AFF4: variants seen among roughly 807,000 people sequenced by gnomAD.
The protein encoded by AFF4 is ALF transcription elongation factor 4, also known as AF4/FMR2 family member 4.
A neutral mutation model predicts 124.8 loss-of-function variants in AFF4; 13 were observed. The ratio of observed to expected loss-of-function variants is 0.10; its 90% CI spans 0.07 to 0.17. AFF4 has a LOEUF of 0.17. AFF4 is among the 10% of genes least tolerant of loss of function. AFF4 has a pLI of 1.00. For missense variants in AFF4, 1,092 were observed against 1,403.8 expected (o/e 0.78, Z 3.55); for synonymous variants, 477 against 496.1 (o/e 0.96, Z 0.51).
intron 5 of AFF4, 59 bp from the exon 6 acceptor site, chr5:132,904,463 A>C: frequency 7.9e-6 from 11 of 1,398,750 alleles, no homozygotes; most frequent in Non-Finnish European, 1.0e-5. Flanking sequence ...GATTAGTGAA[A>C]AATGCTTAAA....
rs762679550 is a variant in AFF4, at chr5:132,934,466, T to C, written c.599A>G (p.Asn200Ser). The C allele has an allele frequency of 3.1e-6, 5 of 1,614,172 alleles. No homozygotes were observed. The highest frequency in any genetic ancestry group is 1.6e-4 in the Middle Eastern group (1 of 6,062). The change falls in exon 3 of 21, where the codon AAT becomes AGT. Residue 200 changes from asparagine (N) to serine (S), a missense_variant. Around this residue, in one of 11 missense-constraint regions of AFF4, gnomAD observed 188 missense variants for 203.0 expected, o/e 0.93. Coordinates refer to ENST00000265343, the MANE Select transcript of AFF4 (RefSeq NM_014423.4). ...LNSSHSRSHG[N>S]DHHSKEHQRS... ...TTGATGTTCCTTGCTATGGTGATCA[T>C]TCCCATGAGACCTGGAATGACTAGA...
At chr5:132,902,120 T>C (rs977154363) in intron 7 of AFF4, among the ~76,000 whole-genome samples, 1 of 152,174 alleles carries the variant, frequency 6.6e-6, no homozygotes, top group African/African-American at 2.4e-5. Context: ...CGATCTCGGC[T>C]CCCTACAACC....
At chr5:132,935,882 C>T (rs1281772191) in intron 2 of AFF4, among the ~76,000 whole-genome samples, 1 of 150,934 alleles carries the variant, frequency 6.6e-6, no homozygotes, top group East Asian at 1.9e-4. Flanking sequence ...GAGATCATGA[C>T]ATGGCACTCC....
intron 1 of AFF4, among the ~76,000 whole-genome samples, chr5:132,944,762 T>G (rs56409418): frequency 5.9e-4 from 90 of 151,604 alleles, no homozygotes; most frequent in African/African-American, 2.1e-3. Context: ...AAACCCCATC[T>G]CTACTAAAAA....
chr5:132,903,137 A>AG (rs1760591538), intron 6 of AFF4, among the ~76,000 whole-genome samples: 3 of 152,210 alleles, frequency 2.0e-5, no homozygotes, highest in African/African-American at 4.8e-5. Context: ...AAACAAGCTG[A>AG]GAAAAAAAAG....
At chr5:132,908,776 A>ATATATTT (rs375891983) in intron 5 of AFF4, among the ~76,000 whole-genome samples, 5 of 114,918 alleles carry the variant, frequency 4.4e-5, no homozygotes, top group African/African-American at 1.2e-4. Flanking sequence ...ATATATATAT[A>ATATATTT]TTTTTTTTTT....
chr5:132,880,292 TC>T lies in AFF4; in HGVS notation c.*766del. On this transcript the variant is annotated 3_prime_UTR_variant, in exon 21 of 21. Coordinates refer to ENST00000265343, the MANE Select transcript of AFF4 (RefSeq NM_014423.4). ...AATGCTTCTTCTAGAAAGTTTGTCC[TC>T]CCTCTTTTGTAATGCATTAAATGCA... 2.5e-6 allele frequency: 1 copy of T among 398,984 alleles called. No homozygotes were observed. The highest frequency in any genetic ancestry group is 4.4e-6 in the Non-Finnish European group (1 of 226,018). The allele number at this position is 398,984 out of a possible 1,614,324, so 24.7% of individuals were successfully genotyped here. A position where few individuals can be genotyped will look rare whatever the true frequency, so the allele number is the denominator to read the frequency against.
chr5:132,948,168 A>G (rs936520900), intron 1 of AFF4, among the ~76,000 whole-genome samples: 7 of 151,922 alleles, frequency 4.6e-5, no homozygotes, highest in African/African-American at 1.7e-4. Flanking sequence ...CTCGTGCCTC[A>G]GCCTCCCAAA....
At chr5:132,959,786 A>T (rs1762042161) in intron 1 of AFF4, among the ~76,000 whole-genome samples, 2 of 88,082 alleles carry the variant, frequency 2.3e-5, no homozygotes, top group South Asian at 3.2e-4. Context: ...TTTTTTTGAG[A>T]CGGAGTCTCG....
intron 19 of AFF4, among the ~76,000 whole-genome samples, chr5:132,884,605 G>T (rs1276906336): frequency 1.3e-5 from 2 of 152,158 alleles, no homozygotes; most frequent in Non-Finnish European, 2.9e-5. Flanking sequence ...ACAGGACAAA[G>T]AATGTCAATT....
chr5:132,925,410 T>C (rs1164153874), intron 5 of AFF4, among the ~76,000 whole-genome samples: 3 of 151,870 alleles, frequency 2.0e-5, no homozygotes, highest in Admixed American at 6.6e-5. Context: ...TAACAAGACA[T>C]TAAAAGCAAA....
chr5:132,947,000 T>C (rs1761714999), intron 1 of AFF4, among the ~76,000 whole-genome samples: 1 of 152,002 alleles, frequency 6.6e-6, no homozygotes, highest in African/African-American at 2.4e-5. Flanking sequence ...GAGGTTGCAG[T>C]GAGCCGAGAT....
intron 1 of AFF4, among the ~76,000 whole-genome samples, chr5:132,941,799 G>A (rs1168126673): frequency 6.6e-6 from 1 of 152,084 alleles, no homozygotes; most frequent in Non-Finnish European, 1.5e-5. Flanking sequence ...CCTGAGGTCA[G>A]GCATTTGAGA....
At chr5:132,901,847 C>T (rs1359203227) in intron 7 of AFF4, among the ~76,000 whole-genome samples, 1 of 152,076 alleles carries the variant, frequency 6.6e-6, no homozygotes, top group Non-Finnish European at 1.5e-5. Flanking sequence ...AACTGTGGCC[C>T]ACAAGCCAAA....
At chr5:132,920,265 G>T (rs1761012007) in intron 5 of AFF4, among the ~76,000 whole-genome samples, 1 of 151,852 alleles carries the variant, frequency 6.6e-6, no homozygotes, top group Admixed American at 6.6e-5. Context: ...GGCCAGGCTG[G>T]TCTCGAACTC....
intron 20 of AFF4, 66 bp downstream of exon 20, chr5:132,883,274 T>C: frequency 6.9e-7 from 1 of 1,459,770 alleles, no homozygotes; most frequent in Non-Finnish European, 9.5e-7. Context: ...AACGCTTACT[T>C]AACTAAATTA....
chr5:132,883,398 G>A lies in AFF4; in HGVS notation c.3306C>T (p.Asn1102=), dbSNP rs1285367807. Residue 1102 remains asparagine (N), a synonymous_variant, in exon 20 of 21, where the codon AAC becomes AAT. Coordinates refer to ENST00000265343, the MANE Select transcript of AFF4 (RefSeq NM_014423.4). ...CCCAAATTTCGGTGGCATAGAGGAA[G>A]TTGGATGTGACCTGAACATAGCTGG... ...MAASYVQVTS[N]FLYATEIWDQ... is the part of the protein sequence containing the mutation. 1 of 1,613,968 alleles carries A rather than the reference G, an allele frequency of 6.2e-7. No individual in the cohort carries two copies. The highest frequency in any genetic ancestry group is 2.2e-5 in the East Asian group (1 of 44,902).
rs370653141 is a variant in AFF4, at chr5:132,934,389, C to T, written c.676G>A (p.Val226Ile). Residue 226 changes from valine to isoleucine, a missense_variant, in exon 3 of 21, where the codon GTA becomes ATA. Physicochemically the swap from Val to Ile is conservative, Grantham distance 29. Transcript: ENST00000265343. Reference sequence around the variant, plus strand: ...GAGTGCTGCCCACTTGAAAAAGGTACACGGGAAGGAGAATCCCAGTTTGCA... The same window carrying T: ...GAGTGCTGCCCACTTGAAAAAGGTATACGGGAAGGAGAATCCCAGTTTGCA... The part of the protein sequence containing the change: ...PDANWDSPSR[V>I]PFSSGQHSTQ... The T allele has an allele frequency of 2.5e-6, 4 of 1,614,020 alleles. No homozygotes were observed. The African/African-American group carries it at 4.0e-5, about 16-fold the overall frequency.
intron 1 of AFF4, among the ~76,000 whole-genome samples, chr5:132,951,357 A>G (rs868013671): frequency 5.9e-5 from 9 of 152,304 alleles, no homozygotes; most frequent in Middle Eastern, 3.4e-3. Context: ...AAGGACCAAT[A>G]CAGTGAACAG....
Sources: allele counts gnomAD v4.1 joint callset (sites outside exome capture counted in the v4.1 genomes callset), GRCh38; gene constraint gnomAD v4.1.1; regional missense constraint gnomAD v4.1.1; transcripts MANE v1.5; gene names NCBI Gene and HGNC (gene_info 2026-07-23, HGNC 2026-07-21).